The following CREBZF variants were observed in gnomAD, a reference collection of about 807,000 sequenced individuals.
CREBZF encodes the protein HCF-binding transcription factor Zhangfei.
Under a neutral mutation model 21.1 loss-of-function variants are expected in CREBZF, and 8 were observed. That is an observed-to-expected ratio of 0.38 (90% CI 0.22 to 0.68). The LOEUF (loss-of-function observed/expected upper bound fraction) is 0.68. Among genes scored for constraint, CREBZF ranks in the 30% least tolerant of loss-of-function variants. The pLI, the probability that CREBZF is intolerant of heterozygous loss-of-function variation, is 0.51. For missense variants in CREBZF, 518 were observed against 484.3 expected (o/e 1.07, Z -0.65); for synonymous variants, 270 against 223.3 (o/e 1.21, Z -1.86).
chr11:85,664,943 C>T lies in CREBZF; in HGVS notation c.-68G>A, dbSNP rs1054015183. The stretch of plus-strand genomic sequence containing the variant: ...TGGGCCTCACGGGCCCCAAGGATCC[C>T]AGGCCCCAGGGCGGGTAGCCCCCGG... On this transcript the variant is annotated 5_prime_UTR_variant, in exon 1 of 1. Coordinates refer to ENST00000527447, the MANE Select transcript of CREBZF (RefSeq NM_001039618.4). This position sits in a 1 kb window ranked among gnomAD's most constrained non-coding sequence, Gnocchi z 5.5. 2 of 1,185,328 alleles carry T rather than the reference C, an allele frequency of 1.7e-6. No individual in the cohort carries two copies. The highest frequency in any genetic ancestry group is 2.2e-6 in the Non-Finnish European group (2 of 896,672). The allele number at this position is 1,185,328 out of a possible 1,614,324, so 73.4% of individuals were successfully genotyped here. A position where few individuals can be genotyped will look rare whatever the true frequency, so the allele number is the denominator to read the frequency against.
rs1185778077 is a variant in CREBZF at position 85,660,181 on chromosome 11, C to T, written c.*3630G>A. Reference sequence around the variant, plus strand: ...ATGCCTTGTGATCACTGATGGCCTGCTTATGTAATTCTAGTCCACTAAATG... The same window carrying T: ...ATGCCTTGTGATCACTGATGGCCTGTTTATGTAATTCTAGTCCACTAAATG... On this transcript the variant is annotated 3_prime_UTR_variant, in exon 1 of 1. Transcript: ENST00000527447. 1 of 161,734 alleles carries T rather than the reference C, an allele frequency of 6.2e-6. No homozygotes were observed. Among genetic ancestry groups the T allele is most frequent in the African/African-American group, 2.4e-5 (1 of 41,470 alleles). 10.0% of individuals were successfully genotyped at this position (161,734 alleles called of 1,614,324 possible). A position where few individuals can be genotyped will look rare whatever the true frequency, so the allele number is the denominator to read the frequency against.
rs2082736210 is a variant in CREBZF, at chr11:85,663,173, C to G, written c.*638G>C. ...TGTACAACTCGGAACTTCCATTCAA[C>G]TTCACCTGTTTCACTGTCTCCAAAC... On this transcript the variant is annotated 3_prime_UTR_variant, in exon 1 of 1. Transcript: ENST00000527447. The G allele has an allele frequency of 8.3e-6, 2 of 240,528 alleles. No homozygotes were observed. Among genetic ancestry groups the G allele is most frequent in the East Asian group, 1.7e-4 (2 of 11,498 alleles). The allele number at this position is 240,528 out of a possible 1,614,324, so 14.9% of individuals were successfully genotyped here.
intron 1 of CREBZF, among the ~76,000 whole-genome samples, chr11:85,676,316 GCACCTCGGAGC>G (rs2082941919): frequency 6.6e-6 from 1 of 152,156 alleles, no homozygotes; most frequent in African/African-American, 2.4e-5. Context: ...ACCGCAATGG[GCACCTCGGAGC>G]CAGAACTTGG....
Position 85,660,642 on chromosome 11 carries a change from T to A in CREBZF, c.*3169A>T, listed in dbSNP as rs1381842062. The A allele has an allele frequency of 4.4e-6, 2 of 451,420 alleles. No homozygotes were observed. Among genetic ancestry groups the A allele is most frequent in the Non-Finnish European group, 8.9e-6 (2 of 225,346 alleles). The allele number at this position is 451,420 out of a possible 1,614,324, so 28.0% of individuals were successfully genotyped here. On this transcript the variant is annotated 3_prime_UTR_variant, in exon 1 of 1. Coordinates refer to ENST00000527447, the MANE Select transcript of CREBZF (RefSeq NM_001039618.4). Reference sequence around the variant, plus strand: ...AGAGATTAATTTAGTGATTATAAAATGCACAAATATTTAAAATATTTTGAA... The same window carrying A: ...AGAGATTAATTTAGTGATTATAAAAAGCACAAATATTTAAAATATTTTGAA...
In CREBZF at chr11:85,663,439, TCA is replaced by T. The variant is rs1217888571; in HGVS notation, c.*370_*371del. ...TCCAAAACAGAAAAAAAAAAAAAAA[TCA>T]CACACACACAAACTGAGATGTTGCC... On this transcript the variant is annotated 3_prime_UTR_variant, in exon 1 of 1. Coordinates refer to ENST00000527447, the MANE Select transcript of CREBZF (RefSeq NM_001039618.4). 2 of 628,404 alleles carry T rather than the reference TCA, an allele frequency of 3.2e-6. No homozygotes were observed. The highest frequency in any genetic ancestry group is 5.6e-6 in the Non-Finnish European group (2 of 355,620). 38.9% of individuals were successfully genotyped at this position (628,404 alleles called of 1,614,324 possible).
chr11:85,668,820 G>A, upstream of CREBZF, among the ~76,000 whole-genome samples: 1 of 150,638 alleles, frequency 6.6e-6, no homozygotes, highest in Non-Finnish European at 1.5e-5. Context: ...GGCTAACACG[G>A]TGAAACCCCG....
chr11:85,670,827 C>T (rs2153328794), intron 1 of CREBZF, among the ~76,000 whole-genome samples: 1 of 152,260 alleles, frequency 6.6e-6, no homozygotes, highest in East Asian at 1.9e-4. Context: ...ATCCTAATCC[C>T]TAGTACCTTA....
At chr11:85,680,884 G>A (rs1450223539) in intron 1 of CREBZF, among the ~76,000 whole-genome samples, 1 of 152,200 alleles carries the variant, frequency 6.6e-6, no homozygotes, top group Non-Finnish European at 1.5e-5. Context: ...AGGCACTATT[G>A]ATGGTCCATC....
Position 85,664,640 on chromosome 11 carries a change from G to C in CREBZF, c.236C>G (p.Ser79Cys), listed in dbSNP as rs954684507. Residue 79 changes from serine to cysteine, a missense_variant, in exon 1 of 1, where the codon TCC (serine) becomes TGC (cysteine). This residue lies in a region of CREBZF where 396 missense variants were observed against 324.4 expected (regional missense o/e 1.22). Transcript: ENST00000527447. This position sits in a 1 kb window ranked among gnomAD's most constrained non-coding sequence, Gnocchi z 5.5. Reference protein sequence around the residue: ...SRGGVAVRAPSPEEMEEEAIA... With the variant: ...SRGGVAVRAPCPEEMEEEAIA... ...CGCCTCCTCCTCCATCTCCTCGGGG[G>C]AGGGCGCGCGCACGGCCACGCCGCC... The C allele has an allele frequency of 6.2e-7, 1 of 1,609,296 alleles. No individual in the cohort carries two copies. The highest frequency in any genetic ancestry group is 1.7e-4 in the Middle Eastern group (1 of 6,042).
chr11:85,678,594 A>C (rs957105610), intron 1 of CREBZF, among the ~76,000 whole-genome samples: 32 of 152,202 alleles, frequency 2.1e-4, no homozygotes, highest in Admixed American at 6.5e-5. Flanking sequence ...AAATTTACTA[A>C]GATTTCTTTG....
At chr11:85,682,335 G>C (rs2153330989) in intron 1 of CREBZF, among the ~76,000 whole-genome samples, 1 of 152,122 alleles carries the variant, frequency 6.6e-6, no homozygotes, top group African/African-American at 2.4e-5. Context: ...TCTATGTTGT[G>C]GGCTCTTCTT....
intron 1 of CREBZF, among the ~76,000 whole-genome samples, chr11:85,676,682 G>T (rs543295167): frequency 6.6e-6 from 1 of 151,696 alleles, no homozygotes; most frequent in East Asian, 1.9e-4. Context: ...TGTCACCCAG[G>T]CTGGACTGCA....
rs2082708566 is a variant in CREBZF, at chr11:85,662,281, A to G, written c.*1530T>C. ...AATAAAACATTTTATGTGTAAGATA[A>G]CTTACATCTTTGGACTGCTGGAAAA... is the stretch of plus-strand genomic sequence containing the variant. On this transcript the variant is annotated 3_prime_UTR_variant, in exon 1 of 1. Transcript: ENST00000527447. 1.6e-6 allele frequency: 1 copy of G among 625,016 alleles called. No homozygotes were observed. The highest frequency in any genetic ancestry group is 2.7e-5 in the Admixed American group (1 of 36,724). The allele number at this position is 625,016 out of a possible 1,614,324, so 38.7% of individuals were successfully genotyped here.
intron 1 of CREBZF, among the ~76,000 whole-genome samples, chr11:85,675,890 C>T (rs191139030): frequency 2.6e-5 from 4 of 152,024 alleles, no homozygotes; most frequent in Non-Finnish European, 5.9e-5. Flanking sequence ...GGTGATTGAC[C>T]GTGTCTAGGG....
upstream of CREBZF, among the ~76,000 whole-genome samples, chr11:85,666,824 A>G (rs2153327673): frequency 6.6e-6 from 1 of 152,382 alleles, no homozygotes; most frequent in South Asian, 2.1e-4. Context: ...TGAAAAAAGT[A>G]TGACCTGTGG....
chr11:85,678,161 T>A (rs768729768), intron 1 of CREBZF, among the ~76,000 whole-genome samples: 19 of 152,226 alleles, frequency 1.2e-4, no homozygotes, highest in Non-Finnish European at 2.6e-4. Context: ...TGATAGTTAA[T>A]TTGTTTTCTG....
At chr11:85,670,290 A>C (rs1257309167) in intron 1 of CREBZF, among the ~76,000 whole-genome samples, 1 of 64,394 alleles carries the variant, frequency 1.6e-5, no homozygotes. Flanking sequence ...CCACAATAAG[A>C]TCTCAAGTTC....
chr11:85,660,497 C>T lies in CREBZF; in HGVS notation c.*3314G>A. 1 of 404,878 alleles carries T rather than the reference C, an allele frequency of 2.5e-6. No individual in the cohort carries two copies. Among genetic ancestry groups the T allele is most frequent in the South Asian group, 1.8e-5 (1 of 56,756 alleles). The allele number at this position is 404,878 out of a possible 1,614,324, so 25.1% of individuals were successfully genotyped here. The stretch of plus-strand genomic sequence containing the variant: ...GGCATTCATTTTTTTCAGCAGATGC[C>T]AAATTTTTGACCGACATGGTTCTCA... On this transcript the variant is annotated 3_prime_UTR_variant, in exon 1 of 1. Coordinates refer to ENST00000527447, the MANE Select transcript of CREBZF (RefSeq NM_001039618.4).
At chr11:85,672,330 G>C (rs919347587) in intron 1 of CREBZF, among the ~76,000 whole-genome samples, 1 of 152,252 alleles carries the variant, frequency 6.6e-6, no homozygotes, top group South Asian at 2.1e-4. Context: ...TGCCTCGAAG[G>C]TCTCTAAAAT....
Sources: allele counts gnomAD v4.1 joint callset (sites outside exome capture counted in the v4.1 genomes callset), GRCh38; gene constraint gnomAD v4.1.1; regional missense constraint gnomAD v4.1.1; non-coding constraint Gnocchi (gnomAD v3.1); transcripts MANE v1.5; gene names NCBI Gene and HGNC (gene_info 2026-07-23, HGNC 2026-07-21).